TTC39C: variants seen among roughly 807,000 people sequenced by gnomAD.
The protein encoded by TTC39C is tetratricopeptide repeat domain 39C.
A neutral mutation model predicts 76.3 loss-of-function variants in TTC39C; 33 were observed. The observed-to-expected ratio is 0.43, with a 90% CI of 0.33 to 0.58. TTC39C has a LOEUF of 0.58. Ranked by LOEUF, TTC39C falls within the 20% of genes least tolerant of loss-of-function variation. The pLI is 0.04. For missense variants in TTC39C, 595 were observed against 701.4 expected (o/e 0.85, Z 1.71); for synonymous variants, 254 against 260.6 (o/e 0.97, Z 0.24).
At chr18:24,054,642 CAAA>C (rs1347083455) in intron 1 of TTC39C, among the ~76,000 whole-genome samples, 3 of 152,098 alleles carry the variant, frequency 2.0e-5, no homozygotes, top group African/African-American at 7.2e-5. Context: ...TAAATTCTAT[CAAA>C]AAACATTTTT....
chr18:24,024,075 C>T (rs368576644), intron 1 of TTC39C, among the ~76,000 whole-genome samples: 6 of 137,526 alleles, frequency 4.4e-5, no homozygotes, highest in Admixed American at 3.0e-4. Flanking sequence ...GTGCAATGGC[C>T]GATCTTGGCT....
intron 1 of TTC39C, among the ~76,000 whole-genome samples, chr18:24,038,194 G>A (rs776393745): frequency 9.2e-5 from 14 of 152,134 alleles, no homozygotes; most frequent in Non-Finnish European, 1.8e-4. Flanking sequence ...GGTAGGTCCC[G>A]AAAGGAGACA....
At chr18:24,065,251 G>C (rs1223813944) in intron 2 of TTC39C, among the ~76,000 whole-genome samples, 2 of 152,260 alleles carry the variant, frequency 1.3e-5, no homozygotes, top group Admixed American at 1.3e-4. Flanking sequence ...GGCCAAGATG[G>C]AGCTGGTGGA....
intron 9 of TTC39C, chr18:24,124,148 G>A: frequency 2.4e-6 from 1 of 416,900 alleles, no homozygotes; most frequent in Non-Finnish European, 4.2e-6. Context: ...AATAATGAAA[G>A]CAGATTTTTA....
At chr18:23,997,784 G>A (rs2083281373) in intron 1 of TTC39C, among the ~76,000 whole-genome samples, 1 of 151,936 alleles carries the variant, frequency 6.6e-6, no homozygotes, top group Non-Finnish European at 1.5e-5. Flanking sequence ...ACTGAGGCAG[G>A]AAGATTGCTT....
intron 4 of TTC39C, among the ~76,000 whole-genome samples, chr18:24,073,843 A>G (rs2084271066): frequency 6.6e-6 from 1 of 152,178 alleles, no homozygotes. Flanking sequence ...TTGTGCTATT[A>G]CTTATACCCT....
chr18:24,108,894 G>C (rs1385318675), intron 6 of TTC39C, among the ~76,000 whole-genome samples: 1 of 152,044 alleles, frequency 6.6e-6, no homozygotes, highest in Non-Finnish European at 1.5e-5. Flanking sequence ...TGAAACAATT[G>C]GTAGGAAACT....
chr18:24,055,555 G>A (rs145554361), intron 1 of TTC39C, among the ~76,000 whole-genome samples: 24 of 152,244 alleles, frequency 1.6e-4, no homozygotes, highest in Admixed American at 1.2e-3. Context: ...GTCTATTCAA[G>A]TTCTTTCCCC....
chr18:24,024,981 G>A (rs1174853109), intron 1 of TTC39C, among the ~76,000 whole-genome samples: 3 of 152,200 alleles, frequency 2.0e-5, no homozygotes, highest in African/African-American at 7.2e-5. Flanking sequence ...CGATTCTCGT[G>A]CCTCAGCCTC....
chr18:24,000,499 A>G (rs911504084), intron 1 of TTC39C: 33 of 152,328 alleles, frequency 2.2e-4, no homozygotes, highest in Admixed American at 1.9e-3. Flanking sequence ...TGAGAGAATA[A>G]TTTCTGGTGT....
intron 4 of TTC39C, among the ~76,000 whole-genome samples, chr18:24,076,069 T>C (rs1356809826): frequency 6.6e-6 from 1 of 152,166 alleles, no homozygotes; most frequent in Non-Finnish European, 1.5e-5. Context: ...CTCCACCTCC[T>C]GGTTTCATGC....
chr18:24,028,918 T>A (rs1463202883), intron 1 of TTC39C, among the ~76,000 whole-genome samples: 1 of 152,016 alleles, frequency 6.6e-6, no homozygotes, highest in Non-Finnish European at 1.5e-5. Context: ...AGACGGGGTT[T>A]CACCATATTG....
In TTC39C at chr18:24,080,798, T is replaced by C. The variant is rs2084366507; in HGVS notation, c.674T>C (p.Leu225Pro). The change falls in exon 5 of 14, where the codon CTT (leucine) becomes CCT (proline). Residue 225 changes from leucine to proline, a missense_variant. Physicochemically the swap from Leu to Pro is moderately conservative, Grantham distance 98 (BLOSUM62 -3). Coordinates refer to ENST00000317571, the MANE Select transcript of TTC39C (RefSeq NM_001135993.2). ...GGTGCTGTTAGCTTTGGATATGGCC[T>C]TTTTCACCTTTGCATATCCATGGTG... ...LKGAVSFGYG[L>P]FHLCISMVPP... 1 of 1,614,064 alleles carries C rather than the reference T, an allele frequency of 6.2e-7. No homozygotes were observed. Among genetic ancestry groups the C allele is most frequent in the Non-Finnish European group, 8.5e-7 (1 of 1,179,962 alleles).
intron 6 of TTC39C, among the ~76,000 whole-genome samples, chr18:24,098,407 TCC>T (rs1388548751): frequency 2.7e-5 from 2 of 74,820 alleles, no homozygotes; most frequent in African/African-American, 1.0e-4. Flanking sequence ...CCTCCCTCCC[TCC>T]CTCCCTCCTT....
At chr18:24,090,805 T>G (rs1243693620) in intron 6 of TTC39C, among the ~76,000 whole-genome samples, 21 of 122,804 alleles carry the variant, frequency 1.7e-4, no homozygotes, top group Non-Finnish European at 2.9e-4. Context: ...TACTTTTTTT[T>G]TTTTTTTTTT....
chr18:24,032,288 A>G (rs1418237935), intron 1 of TTC39C, among the ~76,000 whole-genome samples: 1 of 152,244 alleles, frequency 6.6e-6, no homozygotes, highest in Non-Finnish European at 1.5e-5. Context: ...AAACTAATTC[A>G]GCCTCCCATT....
intron 6 of TTC39C, among the ~76,000 whole-genome samples, chr18:24,092,502 GGATA>G (rs1381153663): frequency 2.0e-5 from 3 of 152,102 alleles, no homozygotes; most frequent in Non-Finnish European, 2.9e-5. Flanking sequence ...ACTGATGAAT[GGATA>G]AACAACATGT....
chr18:24,050,266 G>C (rs1386272335), intron 1 of TTC39C, among the ~76,000 whole-genome samples: 1 of 152,172 alleles, frequency 6.6e-6, no homozygotes, highest in African/African-American at 2.4e-5. Flanking sequence ...AGACACCAGA[G>C]AGAGGCTAAA....
intron 1 of TTC39C, among the ~76,000 whole-genome samples, chr18:23,993,290 T>G (rs1035664394): frequency 1.3e-5 from 2 of 152,248 alleles, no homozygotes; most frequent in African/African-American, 4.8e-5. Context: ...AAATCTCTGC[T>G]ATTTTTCAAC....
Sources: gnomAD v4.1 joint callset for allele counts (sites outside exome capture counted in the v4.1 genomes callset) on GRCh38, gnomAD v4.1.1 for gene constraint, MANE v1.5 for transcripts, NCBI Gene and HGNC (gene_info 2026-07-23, HGNC 2026-07-21) for gene names.